The following KCNH7 variants were observed in gnomAD, a reference collection of about 807,000 sequenced individuals.
KCNH7 encodes the protein voltage-gated inwardly rectifying potassium channel KCNH7.
Under a neutral mutation model 120.8 loss-of-function variants are expected in KCNH7, and 49 were observed. That is an observed-to-expected ratio of 0.41 (90% CI 0.32 to 0.51). KCNH7 has a LOEUF of 0.51. Ranked by LOEUF, KCNH7 falls within the 20% of genes least tolerant of loss-of-function variation. The probability of loss-of-function intolerance (pLI) is 0.38; values close to 1 mark genes in which losing one functional copy is unlikely to be tolerated. For missense variants in KCNH7, 1,097 were observed against 1,446.6 expected (o/e 0.76, Z 3.92); for synonymous variants, 547 against 516.1 (o/e 1.06, Z -0.81).
At chr2:162,689,282 C>G (rs1370160119) in intron 2 of KCNH7, among the ~76,000 whole-genome samples, 1 of 152,036 alleles carries the variant, frequency 6.6e-6, no homozygotes, top group Non-Finnish European at 1.5e-5. Flanking sequence ...TCCTGAGTAG[C>G]TGGGATTACA....
intron 7 of KCNH7, among the ~76,000 whole-genome samples, chr2:162,440,594 A>G (rs974391564): frequency 6.6e-6 from 1 of 152,064 alleles, no homozygotes; most frequent in Admixed American, 6.6e-5. Context: ...ACAATCAAAG[A>G]AATATATTTT....
At chr2:162,633,800 G>A (rs1683848237) in intron 2 of KCNH7, among the ~76,000 whole-genome samples, 1 of 151,844 alleles carries the variant, frequency 6.6e-6, no homozygotes, top group African/African-American at 2.4e-5. Flanking sequence ...TTTAATACTT[G>A]ATAGGGCAAT....
intron 2 of KCNH7, among the ~76,000 whole-genome samples, chr2:162,547,872 T>C (rs1367734054): frequency 6.6e-6 from 1 of 152,104 alleles, no homozygotes; most frequent in Non-Finnish European, 1.5e-5. Flanking sequence ...AAACAAATTA[T>C]TGAAGGTAGC....
intron 2 of KCNH7, among the ~76,000 whole-genome samples, chr2:162,636,770 A>C (rs1167696653): frequency 6.6e-6 from 1 of 152,134 alleles, no homozygotes; most frequent in Non-Finnish European, 1.5e-5. Flanking sequence ...CCTTCAGGGT[A>C]GAAAACAAAG....
At chr2:162,523,127 C>T (rs1435922952) in intron 3 of KCNH7, among the ~76,000 whole-genome samples, 2 of 151,816 alleles carry the variant, frequency 1.3e-5, no homozygotes, top group Non-Finnish European at 2.9e-5. Context: ...ACAGCAGTTT[C>T]CGTGATTAAT....
At chr2:162,612,274 G>A (rs1449131569) in intron 2 of KCNH7, among the ~76,000 whole-genome samples, 1 of 152,092 alleles carries the variant, frequency 6.6e-6, no homozygotes, top group Non-Finnish European at 1.5e-5. Flanking sequence ...AATATTAATG[G>A]TTATGTAAGT....
chr2:162,731,250 A>G (rs926828771), intron 2 of KCNH7, among the ~76,000 whole-genome samples: 1 of 148,254 alleles, frequency 6.7e-6, no homozygotes, highest in Non-Finnish European at 1.5e-5. Flanking sequence ...GTGTGTGTGT[A>G]TAATATTATA....
At chr2:162,559,156 A>G (rs1273570634) in intron 2 of KCNH7, among the ~76,000 whole-genome samples, 1 of 151,988 alleles carries the variant, frequency 6.6e-6, no homozygotes, top group African/African-American at 2.4e-5. Flanking sequence ...TTATTTTTCA[A>G]TGTAAATGAT....
intron 2 of KCNH7, among the ~76,000 whole-genome samples, chr2:162,745,158 A>G (rs998638471): frequency 1.3e-5 from 2 of 152,330 alleles, no homozygotes; most frequent in African/African-American, 4.8e-5. Flanking sequence ...GAACTTGACT[A>G]GTAGAGCTTC....
Position 162,553,522 on chromosome 2 carries a change from G to A in KCNH7, c.308-16442C>T, listed in dbSNP as rs193226382. ...AAATTAGCGGGGTGTGGTGGCGGGC[G>A]CCTGTAGTCCCAGCTACTCGGGAGG... On this transcript the variant is annotated intron_variant, in intron 2 of 15. Transcript: ENST00000332142. 8.0e-4 allele frequency among the ~76,000 whole-genome samples: 122 copies of A among 152,178 alleles called. 1 individual carries two copies. The highest frequency in any genetic ancestry group is 2.8e-3 in the African/African-American group (118 of 41,534).
intron 2 of KCNH7, among the ~76,000 whole-genome samples, chr2:162,615,398 C>T (rs367722676): frequency 1.3e-5 from 2 of 152,194 alleles, no homozygotes; most frequent in East Asian, 1.9e-4. Flanking sequence ...TGACTATTTA[C>T]ATAAAGGACA....
intron 2 of KCNH7, among the ~76,000 whole-genome samples, chr2:162,656,586 C>T (rs1037118097): frequency 3.3e-5 from 5 of 152,262 alleles, no homozygotes; most frequent in African/African-American, 1.2e-4. Flanking sequence ...AGCAAAGTAA[C>T]TATTCTCCTT....
At position 162,579,918 on chromosome 2, in the gene KCNH7, T is replaced by C. The variant is rs148142867; in HGVS notation, c.308-42838A>G. On this transcript the variant is annotated intron_variant, in intron 2 of 15. Coordinates refer to ENST00000332142, the MANE Select transcript of KCNH7 (RefSeq NM_033272.4). ...AAATACTCTGCTAATTATTTTTAAA[T>C]GACCTTTAATGGAGAAGTATAACTT... 2.7e-3 allele frequency among the ~76,000 whole-genome samples: 408 copies of C among 152,176 alleles called. 2 individuals are homozygous for C. Among genetic ancestry groups the C allele is most frequent in the African/African-American group, 9.3e-3 (387 of 41,550 alleles).
chr2:162,406,652 TA>T (rs929026973), intron 9 of KCNH7, among the ~76,000 whole-genome samples: 1 of 152,028 alleles, frequency 6.6e-6, no homozygotes, highest in African/African-American at 2.4e-5. Flanking sequence ...AGTAATATAT[TA>T]AAAACTTAAA....
At chr2:162,798,287 TC>T (rs746988352) in intron 2 of KCNH7, among the ~76,000 whole-genome samples, 3 of 152,002 alleles carry the variant, frequency 2.0e-5, no homozygotes, top group Admixed American at 6.6e-5. Context: ...GAATTGGCCG[TC>T]CCAGAGAATT....
intron 2 of KCNH7, among the ~76,000 whole-genome samples, chr2:162,806,850 A>T (rs182640102): frequency 0.02 from 2,995 of 151,484 alleles, 32 homozygotes; most frequent in Middle Eastern, 0.044. Context: ...ATTTTTTTTT[A>T]AAAAAAGATA....
intron 2 of KCNH7, among the ~76,000 whole-genome samples, chr2:162,563,291 C>T (rs142459822): frequency 6.6e-6 from 1 of 152,282 alleles, no homozygotes; most frequent in East Asian, 1.9e-4. Context: ...GAGCACTAGA[C>T]ACATAGATCG....
intron 13 of KCNH7, among the ~76,000 whole-genome samples, chr2:162,380,683 T>G (rs1686385396): frequency 6.6e-6 from 1 of 152,168 alleles, no homozygotes. Context: ...GTTTTTCTTG[T>G]GGCTCTTTAT....
At chr2:162,787,954 T>C (rs548777270) in intron 2 of KCNH7, among the ~76,000 whole-genome samples, 5 of 152,336 alleles carry the variant, frequency 3.3e-5, no homozygotes, top group South Asian at 2.1e-4. Flanking sequence ...CCTATCTACC[T>C]AGACTCTTTG....
Sources: gnomAD v4.1 joint callset for allele counts (sites outside exome capture counted in the v4.1 genomes callset) on GRCh38, gnomAD v4.1.1 for gene constraint, MANE v1.5 for transcripts, NCBI Gene and HGNC (gene_info 2026-07-23, HGNC 2026-07-21) for gene names.